Variants in TBC1D31 observed in about 807,000 individuals in gnomAD.
The protein encoded by TBC1D31 is WD repeat domain 67.
In TBC1D31, 99 loss-of-function variants were observed where a neutral mutation model predicts 132.9. That is an observed-to-expected ratio of 0.74 (90% CI 0.63 to 0.88). TBC1D31 has a LOEUF of 0.88. Ranked by LOEUF, TBC1D31 falls within the 40% of genes least tolerant of loss-of-function variation. The pLI is 0.00. For synonymous variants in TBC1D31, 385 were observed against 419.4 expected (o/e 0.92, Z 1.00); for missense variants, 1,134 against 1,256.6 (o/e 0.90, Z 1.48).
intron 20 of TBC1D31, among the ~76,000 whole-genome samples, chr8:123,148,508 C>T (rs569835338): frequency 6.6e-6 from 1 of 151,628 alleles, no homozygotes; most frequent in African/African-American, 2.4e-5. Context: ...GAGACTGAGG[C>T]GGGAGGATGG....
At chr8:123,134,950 A>T (rs1820943226) in intron 17 of TBC1D31, among the ~76,000 whole-genome samples, 1 of 152,102 alleles carries the variant, frequency 6.6e-6, no homozygotes, top group Non-Finnish European at 1.5e-5. Flanking sequence ...CCCAGGCTGC[A>T]GTGCAGTGGC....
intron 17 of TBC1D31, among the ~76,000 whole-genome samples, chr8:123,135,962 A>T (rs997225210): frequency 1.3e-5 from 2 of 152,230 alleles, no homozygotes; most frequent in African/African-American, 4.8e-5. Flanking sequence ...AAACACTAAC[A>T]TTCTACTAAA....
intron 8 of TBC1D31, among the ~76,000 whole-genome samples, chr8:123,108,354 AT>A (rs1299831519): frequency 1.3e-5 from 2 of 152,200 alleles, no homozygotes; most frequent in Non-Finnish European, 2.9e-5. Context: ...TTTTATTAAG[AT>A]AAAAATTGAC....
intron 8 of TBC1D31, among the ~76,000 whole-genome samples, chr8:123,106,679 C>T (rs1817960155): frequency 6.6e-6 from 1 of 152,086 alleles, no homozygotes; most frequent in Admixed American, 6.6e-5. Flanking sequence ...ATTTGCAACA[C>T]AGAAGAGTGT....
rs1820129349 is a variant in TBC1D31 at position 123,127,079 on chromosome 8, G to A, written c.1884+392G>A. On this transcript the variant is annotated intron_variant, in intron 13 of 21. Coordinates refer to ENST00000287380, the MANE Select transcript of TBC1D31 (RefSeq NM_145647.4). Reference sequence around the variant, plus strand: ...ATTGAAAAATCCATTTATTTATTGAGTCCCTGTTATATGTCAGACACTGGT... The same window carrying A: ...ATTGAAAAATCCATTTATTTATTGAATCCCTGTTATATGTCAGACACTGGT... Among the ~76,000 whole-genome samples the A allele has an allele frequency of 2.0e-5, 3 of 151,842 alleles. No homozygotes were observed. The South Asian group carries it at 6.2e-4, about 32-fold the overall frequency.
intron 4 of TBC1D31, 85 bp downstream of exon 4, chr8:123,084,425 T>C: frequency 1.5e-6 from 2 of 1,301,136 alleles, no homozygotes; most frequent in Non-Finnish European, 2.2e-6. Context: ...ATAAGAGTAA[T>C]GATTCACTTT....
intron 10 of TBC1D31, among the ~76,000 whole-genome samples, chr8:123,116,941 T>C (rs1053774908): frequency 2.0e-5 from 3 of 152,134 alleles, no homozygotes; most frequent in African/African-American, 7.2e-5. Context: ...ATTAGAGATA[T>C]AGAAAATCAC....
At chr8:123,152,645 T>C (rs934591930), downstream of TBC1D31, among the ~76,000 whole-genome samples, 13 of 151,994 alleles carry the variant, frequency 8.6e-5, no homozygotes, top group Non-Finnish European at 1.9e-4. Flanking sequence ...CTGCGGTGGG[T>C]GGATCACTTG....
rs911668881 is a variant in TBC1D31 at position 123,100,762 on chromosome 8, T to C, written c.832-45T>C. The stretch of plus-strand genomic sequence containing the variant: ...GTGTATATAGTAGGACTTTCAGACA[T>C]TGACTATCACATGTTTTTAGGAATT... On this transcript the variant is annotated intron_variant, in intron 6 of 21. Coordinates refer to ENST00000287380, the MANE Select transcript of TBC1D31 (RefSeq NM_145647.4). 7.4e-6 allele frequency: 11 copies of C among 1,480,376 alleles called. No homozygotes were observed. In the African/African-American group the frequency reaches 1.4e-4, roughly 19 times the overall value. 91.7% of individuals were successfully genotyped at this position (1,480,376 alleles called of 1,614,324 possible).
At chr8:123,159,611 G>A in the TBC1D31 span, among the ~76,000 whole-genome samples, 1 of 152,154 alleles carries the variant, frequency 6.6e-6, no homozygotes, top group Non-Finnish European at 1.5e-5. Flanking sequence ...GACTAACATG[G>A]AAGAAACCCC....
intron 11 of TBC1D31, chr8:123,123,348 G>C: frequency 5.6e-6 from 1 of 178,904 alleles, no homozygotes; most frequent in East Asian, 1.3e-4. Context: ...CCTCCTAAAG[G>C]GGAAACAAAG....
At chr8:123,152,331 C>T (rs1303882603), downstream of TBC1D31, among the ~76,000 whole-genome samples, 1 of 152,144 alleles carries the variant, frequency 6.6e-6, no homozygotes, top group Non-Finnish European at 1.5e-5. Flanking sequence ...CGTGGAGTGG[C>T]CTATATCACC....
chr8:123,145,372 T>C (rs894647835), intron 20 of TBC1D31, among the ~76,000 whole-genome samples: 4 of 152,124 alleles, frequency 2.6e-5, no homozygotes, highest in African/African-American at 9.7e-5. Context: ...AGGAAAAAGT[T>C]TGTGCAGACT....
intron 10 of TBC1D31, among the ~76,000 whole-genome samples, chr8:123,113,746 AT>A (rs11331266): frequency 0.3 from 45,696 of 151,908 alleles, 6,917 homozygotes; most frequent in African/African-American, 0.32. Context: ...CTTCAAAGCA[AT>A]TTTTTTTGTT....
the TBC1D31 span, among the ~76,000 whole-genome samples, chr8:123,163,032 T>C: frequency 1.3e-5 from 2 of 152,094 alleles, no homozygotes; most frequent in East Asian, 1.9e-4. Flanking sequence ...GGTTTCACCA[T>C]GTTAGGCGGC....
In TBC1D31 at chr8:123,151,834, G is replaced by T; in HGVS notation, c.3096G>T (p.Trp1032Cys). The stretch of plus-strand genomic sequence containing the variant: ...CTTTAAATAGAAGAGCAGTAGAATG[G>T]GACACCACGGGACAGAATCTTATTA... ...QISLNRRAVEWDTTGQNLIKK... is the reference protein window; with the variant it reads ...QISLNRRAVECDTTGQNLIKK... Residue 1032 changes from tryptophan (W) to cysteine (C), a missense_variant, in exon 22 of 22, where the codon TGG becomes TGT. Transcript: ENST00000287380. 1 of 1,571,612 alleles carries T rather than the reference G, an allele frequency of 6.4e-7. No homozygotes were observed. The highest frequency in any genetic ancestry group is 2.1e-5 in the Admixed American group (1 of 47,478).
chr8:123,157,395 C>G, the TBC1D31 span, among the ~76,000 whole-genome samples: 28 of 152,256 alleles, frequency 1.8e-4, no homozygotes, highest in African/African-American at 6.7e-4. Flanking sequence ...CTGTAAATCC[C>G]GTCCAGAATA....
intron 17 of TBC1D31, among the ~76,000 whole-genome samples, chr8:123,139,405 A>G (rs1252335446): frequency 6.6e-6 from 1 of 152,156 alleles, no homozygotes; most frequent in Admixed American, 6.5e-5. Context: ...ACTAATTTTG[A>G]AAGTCCCTAT....
intron 13 of TBC1D31, 60 bp downstream of exon 13, chr8:123,126,747 T>G (rs1372003768): frequency 6.8e-7 from 1 of 1,472,764 alleles, no homozygotes; most frequent in African/African-American, 1.4e-5. Context: ...CTCTATTTTT[T>G]TTTTAATTTT....
Sources: gnomAD v4.1 joint callset for allele counts (sites outside exome capture counted in the v4.1 genomes callset) on GRCh38, gnomAD v4.1.1 for gene constraint, MANE v1.5 for transcripts, NCBI Gene and HGNC (gene_info 2026-07-23, HGNC 2026-07-21) for gene names.